GLIPR1: variants seen among roughly 807,000 people sequenced by gnomAD.
The protein encoded by GLIPR1 is GLI pathogenesis related 1, also known as glioma pathogenesis-related protein 1.
GLIPR1 carries 38 observed loss-of-function variants against 30.3 expected under a neutral mutation model. The observed-to-expected ratio is 1.26, with a 90% CI of 0.97 to 1.65. The LOEUF is 1.65. Among genes scored for constraint, GLIPR1 ranks in the 40% most tolerant of loss-of-function variants. The pLI is 0.00. For synonymous variants in GLIPR1, 122 were observed against 110.6 expected (o/e 1.10, Z -0.65); for missense variants, 285 against 326.5 (o/e 0.87, Z 0.98).
Position 75,498,724 on chromosome 12 carries a change from C to G in GLIPR1, c.646+4C>G. 1 of 1,612,024 alleles carries G rather than the reference C, an allele frequency of 6.2e-7. No homozygotes were observed. Among genetic ancestry groups the G allele is most frequent in the South Asian group, 1.1e-5 (1 of 90,950 alleles). On this transcript the variant is annotated splice_donor_region_variant and intron_variant, in intron 5 of 5. Coordinates refer to ENST00000266659, the MANE Select transcript of GLIPR1 (RefSeq NM_006851.3). ...CGACAGCGAGACCAAGTCAAACGTA[C>G]GTACATCAATCTTAAATTGTTTCAT...
rs528692319 is a variant in GLIPR1 at position 75,490,574 on chromosome 12, A to C, written c.533+56A>C. 2.6e-4 allele frequency: 92 copies of C among 357,148 alleles called. 16 individuals carry two copies. Among genetic ancestry groups the C allele is most frequent in the African/African-American group, 2.3e-3 (26 of 11,200 alleles). 22.1% of individuals were successfully genotyped at this position (357,148 alleles called of 1,614,324 possible). ...AACGCCCCCCCCCCCCCGCAAAAAA[A>C]AACAACAACAAAAAAAAACATTTTA... On this transcript the variant is annotated intron_variant, in intron 3 of 5. Transcript: ENST00000266659.
At chr12:75,483,245 C>G (rs1051027515) in intron 2 of GLIPR1, among the ~76,000 whole-genome samples, 5 of 152,128 alleles carry the variant, frequency 3.3e-5, no homozygotes, top group African/African-American at 1.2e-4. Flanking sequence ...CCAACAAGAC[C>G]TAGGGGAGTA....
chr12:75,483,276 C>A (rs2046279581), intron 2 of GLIPR1, among the ~76,000 whole-genome samples: 1 of 152,144 alleles, frequency 6.6e-6, no homozygotes, highest in Non-Finnish European at 1.5e-5. Flanking sequence ...TCTAGATAGC[C>A]TACAAGTGGT....
intron 1 of GLIPR1, 91 bp from the exon 2 acceptor site, chr12:75,481,743 A>C: frequency 8.5e-7 from 1 of 1,175,936 alleles, no homozygotes; most frequent in Non-Finnish European, 1.2e-6. Context: ...TTCTCTCCTT[A>C]TCTCACCTCG....
chr12:75,489,834 AAAG>A (rs1420092436), intron 2 of GLIPR1: 1 of 152,364 alleles, frequency 6.6e-6, no homozygotes, highest in Non-Finnish European at 1.5e-5. Flanking sequence ...AAGACATGAA[AAAG>A]AACATAGCAC....
In GLIPR1 at chr12:75,502,319, A is replaced by G. The variant is rs1262393754; in HGVS notation, c.*3341A>G. 3 of 218,260 alleles carry G rather than the reference A, an allele frequency of 1.4e-5. No homozygotes were observed. The highest frequency in any genetic ancestry group is 2.1e-4 in the East Asian group (2 of 9,472). 13.5% of individuals were successfully genotyped at this position (218,260 alleles called of 1,614,324 possible). A position where few individuals can be genotyped will look rare whatever the true frequency, so the allele number is the denominator to read the frequency against. ...ATTTGAAGAAGCTTCAATGGCAGAC[A>G]AAGTAGGAGGGATAAGATTTAGAAA... On this transcript the variant is annotated 3_prime_UTR_variant, in exon 6 of 6. Transcript: ENST00000266659.
chr12:75,482,244 T>G (rs2046274727), intron 2 of GLIPR1, among the ~76,000 whole-genome samples, 165 bp downstream of exon 2: 1 of 152,202 alleles, frequency 6.6e-6, no homozygotes, highest in African/African-American at 2.4e-5. Flanking sequence ...AAAAGTTTAG[T>G]TGTGTGAACT....
intron 2 of GLIPR1, among the ~76,000 whole-genome samples, chr12:75,482,579 A>G (rs899640664): frequency 6.6e-6 from 1 of 152,154 alleles, no homozygotes; most frequent in Non-Finnish European, 1.5e-5. Context: ...GGTGCTACAC[A>G]AGGAGGGAGA....
intron 2 of GLIPR1, among the ~76,000 whole-genome samples, chr12:75,490,025 T>C (rs1439994538): frequency 6.6e-6 from 1 of 152,100 alleles, no homozygotes; most frequent in Non-Finnish European, 1.5e-5. Context: ...CTTCCTCCAT[T>C]GTTTAAGTTT....
At chr12:75,486,906 T>C (rs377212459) in intron 2 of GLIPR1, among the ~76,000 whole-genome samples, 2 of 152,172 alleles carry the variant, frequency 1.3e-5, no homozygotes, top group South Asian at 4.1e-4. Flanking sequence ...TGTATTCTTT[T>C]GTCAAAATTC....
intron 3 of GLIPR1, chr12:75,494,681 T>C (rs954366326): frequency 3.3e-5 from 5 of 152,208 alleles, no homozygotes; most frequent in African/African-American, 1.2e-4. Context: ...CAAAAAAGTT[T>C]AGAACTTTTT....
rs1026002303 is a variant in GLIPR1 at position 75,499,697 on chromosome 12, C to G, written c.*719C>G. 1 of 608,794 alleles carries G rather than the reference C, an allele frequency of 1.6e-6. No homozygotes were observed. Among genetic ancestry groups the G allele is most frequent in the Non-Finnish European group, 2.6e-6 (1 of 384,050 alleles). 37.7% of individuals were successfully genotyped at this position (608,794 alleles called of 1,614,324 possible). ...ACTCTTCTATGAACAACCACCACCA[C>G]CAAAAAAAAAAAAAGCCCTCAGAAA... is the stretch of plus-strand genomic sequence containing the variant. On this transcript the variant is annotated 3_prime_UTR_variant, in exon 6 of 6. Coordinates refer to ENST00000266659, the MANE Select transcript of GLIPR1 (RefSeq NM_006851.3).
rs2046378023 is a variant in GLIPR1, at chr12:75,499,754, TA to T, written c.*777del. The T allele has an allele frequency of 7.2e-7, 1 of 1,389,236 alleles. No individual in the cohort carries two copies. The highest frequency in any genetic ancestry group is 1.5e-5 in the African/African-American group (1 of 66,720). The allele number at this position is 1,389,236 out of a possible 1,614,324, so 86.1% of individuals were successfully genotyped here. ...CACAAATAAGGCAACTAATGCCTGA[TA>T]TCTCAAAATCCTTTACAAAAGGAGA... On this transcript the variant is annotated 3_prime_UTR_variant, in exon 6 of 6. Transcript: ENST00000266659.
intron 4 of GLIPR1, chr12:75,498,465 T>C: frequency 4.5e-6 from 2 of 442,496 alleles, no homozygotes; most frequent in Non-Finnish European, 8.0e-6. Flanking sequence ...AGTAATGGTA[T>C]AGTTTCCTTT....
Position 75,501,878 on chromosome 12 carries a change from C to T in GLIPR1, c.*2900C>T, listed in dbSNP as rs373508242. On this transcript the variant is annotated 3_prime_UTR_variant, in exon 6 of 6. Coordinates refer to ENST00000266659, the MANE Select transcript of GLIPR1 (RefSeq NM_006851.3). Reference sequence around the variant, plus strand: ...ATTTATAGTTAAATAATTCAAGTATCTATGAACTTTGCTATTCATGTGAGC... The same window carrying T: ...ATTTATAGTTAAATAATTCAAGTATTTATGAACTTTGCTATTCATGTGAGC... 3.8e-6 allele frequency: 6 copies of T among 1,586,992 alleles called. No individual in the cohort carries two copies. The highest frequency in any genetic ancestry group is 5.2e-6 in the Non-Finnish European group (6 of 1,160,376).
In GLIPR1 at chr12:75,499,887, CTTA is replaced by C. The variant is rs752622359; in HGVS notation, c.*912_*914del. ...CTTCAGCTGTAAGAGCTCCCAGTTT[CTTA>C]TTCTTTGCTTTCTTAACCTTTTCCT... On this transcript the variant is annotated 3_prime_UTR_variant, in exon 6 of 6. Coordinates refer to ENST00000266659, the MANE Select transcript of GLIPR1 (RefSeq NM_006851.3). 5.6e-6 allele frequency: 9 copies of C among 1,609,576 alleles called. No homozygotes were observed. In the South Asian group the frequency reaches 9.9e-5, roughly 18 times the overall value.
chr12:75,480,802 G>C lies in GLIPR1; in HGVS notation c.-79G>C. On this transcript the variant is annotated 5_prime_UTR_variant, in exon 1 of 6. Coordinates refer to ENST00000266659, the MANE Select transcript of GLIPR1 (RefSeq NM_006851.3). ...GGCTAGGTTTGCAAAGCTGTGGGCT[G>C]AGCACTCAGGCAATCACACTCTCAG... The C allele has an allele frequency of 1.8e-6, 2 of 1,100,442 alleles. No individual in the cohort carries two copies. Among genetic ancestry groups the C allele is most frequent in the Non-Finnish European group, 2.7e-6 (2 of 753,480 alleles). 68.2% of individuals were successfully genotyped at this position (1,100,442 alleles called of 1,614,324 possible).
Position 75,495,572 on chromosome 12 carries a change from T to C in GLIPR1, c.534-5T>C, listed in dbSNP as rs61545347. The C allele has an allele frequency of 8.4e-4, 1,313 of 1,561,754 alleles. 14 individuals carry two copies. The African/African-American group carries it at 0.016, about 19-fold the overall frequency. ...TCTAATGGACATCCTTCTTCTGCTT[T>C]ACAGAGGGAATTACCCAACTTGGCC... On this transcript the variant is annotated splice_polypyrimidine_tract_variant and splice_region_variant and intron_variant, in intron 3 of 5. Coordinates refer to ENST00000266659, the MANE Select transcript of GLIPR1 (RefSeq NM_006851.3).
In GLIPR1 at chr12:75,487,099, A is replaced by C. The variant is rs554727422; in HGVS notation, c.421-3307A>C. Reference sequence around the variant, plus strand: ...TCCAAAGATTAAGAATACTTTTGATATAACAACGCTACAGAAGAAAGTGCT... The same window carrying C: ...TCCAAAGATTAAGAATACTTTTGATCTAACAACGCTACAGAAGAAAGTGCT... On this transcript the variant is annotated intron_variant, in intron 2 of 5. Transcript: ENST00000266659. 5.3e-5 allele frequency among the ~76,000 whole-genome samples: 8 copies of C among 152,354 alleles called. No individual in the cohort carries two copies. In the South Asian group the frequency reaches 1.4e-3, roughly 28 times the overall value.
Sources: allele counts gnomAD v4.1 joint callset (sites outside exome capture counted in the v4.1 genomes callset), GRCh38; gene constraint gnomAD v4.1.1; transcripts MANE v1.5; gene names NCBI Gene and HGNC (gene_info 2026-07-23, HGNC 2026-07-21).